PAPPA2: variants seen among roughly 807,000 people sequenced by gnomAD.
The protein encoded by PAPPA2 is pappalysin 2.
A neutral mutation model predicts 176.4 loss-of-function variants in PAPPA2; 86 were observed. The ratio of observed to expected loss-of-function variants is 0.49; its 90% confidence interval spans 0.41 to 0.58. The LOEUF (loss-of-function observed/expected upper bound fraction) is 0.58, where lower values mean the gene tolerates loss of function less well. Ranked by LOEUF, PAPPA2 falls within the 20% of genes least tolerant of loss-of-function variation. The pLI, the probability that PAPPA2 is intolerant of heterozygous loss-of-function variation, is 0.00. For missense variants in PAPPA2, 2,073 were observed against 2,256.9 expected, an observed-to-expected ratio of 0.92 and a Z score of 1.65; for synonymous variants, 809 against 852.2, an observed-to-expected ratio of 0.95 and a Z score of 0.88.
At chr1:176,773,337 T>A (rs2102916028) in intron 17 of PAPPA2, among the ~76,000 whole-genome samples, 1 of 152,346 alleles carries the variant, frequency 6.6e-6, no homozygotes, top group East Asian at 1.9e-4. Flanking sequence ...GTGAACTATG[T>A]CAGCCTGGTT....
intron 3 of PAPPA2, among the ~76,000 whole-genome samples, chr1:176,630,709 G>C (rs921591620): frequency 6.6e-6 from 1 of 152,232 alleles, no homozygotes; most frequent in Non-Finnish European, 1.5e-5. Flanking sequence ...GGCTCTGATA[G>C]AGGGTCTGAT....
chr1:176,474,653 C>T (rs1279152756), intron 1 of PAPPA2, among the ~76,000 whole-genome samples: 2 of 152,136 alleles, frequency 1.3e-5, no homozygotes, highest in East Asian at 3.8e-4. Flanking sequence ...AGTTCCTATC[C>T]AAGACTCACA....
intron 2 of PAPPA2, among the ~76,000 whole-genome samples, chr1:176,570,522 C>T (rs1325736420): frequency 6.6e-6 from 1 of 152,104 alleles, no homozygotes; most frequent in Non-Finnish European, 1.5e-5. Flanking sequence ...TTTCAAGGCA[C>T]ATTAATAACT....
At chr1:176,612,263 G>A (rs1015401100) in intron 3 of PAPPA2, among the ~76,000 whole-genome samples, 2 of 152,064 alleles carry the variant, frequency 1.3e-5, no homozygotes, top group Non-Finnish European at 2.9e-5. Flanking sequence ...GCGTGGTGGT[G>A]CATGCCTATA....
chr1:176,774,406 CTA>C (rs1571308233), intron 17 of PAPPA2, among the ~76,000 whole-genome samples: 1 of 152,126 alleles, frequency 6.6e-6, no homozygotes, highest in African/African-American at 2.4e-5. Context: ...AAAACAGAGC[CTA>C]TTATAATTCC....
At chr1:176,591,686 T>C (rs1010999818) in intron 2 of PAPPA2, among the ~76,000 whole-genome samples, 21 of 152,232 alleles carry the variant, frequency 1.4e-4, no homozygotes, top group African/African-American at 3.9e-4. Flanking sequence ...AGTCTGTTTC[T>C]GTGCACTTAT....
chr1:176,769,829 C>G (rs1205705505), intron 16 of PAPPA2, 45 bp downstream of exon 16: 3 of 1,531,314 alleles, frequency 2.0e-6, no homozygotes, highest in African/African-American at 2.8e-5. Flanking sequence ...TCTCTGCCAT[C>G]CCTCGCTCTT....
chr1:176,732,526 AG>A (rs1485483986), intron 12 of PAPPA2, among the ~76,000 whole-genome samples: 3 of 152,208 alleles, frequency 2.0e-5, no homozygotes, highest in Non-Finnish European at 2.9e-5. Context: ...GGTGAATGAA[AG>A]TATTACAATC....
chr1:176,621,246 C>T (rs748946960), intron 3 of PAPPA2, among the ~76,000 whole-genome samples: 3 of 152,128 alleles, frequency 2.0e-5, no homozygotes, highest in South Asian at 2.1e-4. Flanking sequence ...CTGAGATGTT[C>T]GCAGACTAAG....
At chr1:176,804,421 G>A (rs983893979) in intron 21 of PAPPA2, among the ~76,000 whole-genome samples, 14 of 152,126 alleles carry the variant, frequency 9.2e-5, no homozygotes, top group Admixed American at 5.9e-4. Context: ...GGAGGACAGG[G>A]ATGCTGCTGA....
At chr1:176,713,131 A>G (rs1321612617) in intron 12 of PAPPA2, among the ~76,000 whole-genome samples, 1 of 151,986 alleles carries the variant, frequency 6.6e-6, no homozygotes, top group East Asian at 1.9e-4. Context: ...TCTTGCTCTT[A>G]AACACATCTT....
rs538565757 is a variant in PAPPA2, at chr1:176,738,205, T to C, written c.3799-1421T>C. ...CATATGGCAAGTGTAATCTTGGGTC[T>C]GGTTGTTTCTTAAGTTATGAAGAAA... On this transcript the variant is annotated intron_variant, in intron 12 of 22. Coordinates refer to ENST00000367662, the MANE Select transcript of PAPPA2 (RefSeq NM_020318.3). Among the ~76,000 whole-genome samples the C allele has an allele frequency of 1.7e-4, 26 of 152,200 alleles. No individual in the cohort carries two copies. In the South Asian group the frequency reaches 5.2e-3, roughly 30 times the overall value.
chr1:176,689,350 C>A (rs1215256770), intron 4 of PAPPA2, among the ~76,000 whole-genome samples: 2 of 152,190 alleles, frequency 1.3e-5, no homozygotes, highest in Admixed American at 1.3e-4. Flanking sequence ...GCAATGAACT[C>A]TTCTCTGAAA....
At position 176,739,769 on chromosome 1, in the gene PAPPA2, T is replaced by A; in HGVS notation, c.3934+8T>A. ...GAAGCAACCACTCTCTTGGTGAGTC[T>A]GACAAATATCCCTTTAGGGTCACTA... On this transcript the variant is annotated splice_region_variant and intron_variant, in intron 13 of 22. Transcript: ENST00000367662. 1.1e-5 allele frequency: 18 copies of A among 1,613,230 alleles called. No homozygotes were observed. Among genetic ancestry groups the A allele is most frequent in the Non-Finnish European group, 1.5e-5 (18 of 1,179,626 alleles).
intron 1 of PAPPA2, among the ~76,000 whole-genome samples, chr1:176,484,216 A>G (rs1218740919): frequency 6.6e-6 from 1 of 152,192 alleles, no homozygotes; most frequent in African/African-American, 2.4e-5. Context: ...TGCAGTTTCT[A>G]TCTTTGCTCT....
Position 176,577,315 on chromosome 1 carries a change from T to A in PAPPA2, c.920-17209T>A, listed in dbSNP as rs190377055. On this transcript the variant is annotated intron_variant, in intron 2 of 22. Coordinates refer to ENST00000367662, the MANE Select transcript of PAPPA2 (RefSeq NM_020318.3). Reference sequence around the variant, plus strand: ...AAATCTGCTTCATTGACTTCCACCCTGCACACGGGTGGCCTAAGGAAAGCC... The same window carrying A: ...AAATCTGCTTCATTGACTTCCACCCAGCACACGGGTGGCCTAAGGAAAGCC... 2.0e-5 allele frequency among the ~76,000 whole-genome samples: 3 copies of A among 152,294 alleles called. No homozygotes were observed. The East Asian group carries it at 5.8e-4, about 29-fold the overall frequency.
intron 1 of PAPPA2, among the ~76,000 whole-genome samples, chr1:176,510,513 C>T (rs1378667229): frequency 1.3e-5 from 2 of 151,842 alleles, no homozygotes; most frequent in East Asian, 1.9e-4. Flanking sequence ...ATCTGAACTA[C>T]AAGAAATGTT....
intron 1 of PAPPA2, among the ~76,000 whole-genome samples, chr1:176,489,148 G>A (rs777891853): frequency 2.6e-5 from 4 of 152,104 alleles, no homozygotes; most frequent in Non-Finnish European, 5.9e-5. Context: ...AAAAAGATAA[G>A]TTTTATGACA....
At chr1:176,623,669 TTTTC>T (rs1164618340) in intron 3 of PAPPA2, among the ~76,000 whole-genome samples, 2 of 58,762 alleles carry the variant, frequency 3.4e-5, no homozygotes, top group Admixed American at 1.4e-4. Flanking sequence ...CTTTCTTTCT[TTTTC>T]TTTCTTTCTT....
Sources: allele counts gnomAD v4.1 joint callset (sites outside exome capture counted in the v4.1 genomes callset), GRCh38; gene constraint gnomAD v4.1.1; transcripts MANE v1.5; gene names NCBI Gene and HGNC (gene_info 2026-07-23, HGNC 2026-07-21).